ABTB3: variants seen among roughly 807,000 people sequenced by gnomAD.
ABTB3 encodes the protein ankyrin repeat and BTB domain containing 3.
At chr12:107,469,906 CTTTCTTTCTTTCTT>C in the ABTB3 span, among the ~76,000 whole-genome samples, 1 of 106,314 alleles carries the variant, frequency 9.4e-6, no homozygotes, top group South Asian at 2.9e-4. Context: ...TTCTTTCTTT[CTTTCTTTCTTTCTT>C]TCTCTCTCTC....
the ABTB3 span, chr12:107,618,132 A>G: frequency 3.7e-6 from 6 of 1,605,992 alleles, no homozygotes; most frequent in African/African-American, 5.4e-5. Context: ...TCTGAGTGTC[A>G]TCCTCTCTGG....
chr12:107,352,951 G>T, the ABTB3 span, among the ~76,000 whole-genome samples: 2 of 152,202 alleles, frequency 1.3e-5, no homozygotes, highest in African/African-American at 4.8e-5. Context: ...AGTGGAGGAA[G>T]AACACTGTGG....
the ABTB3 span, among the ~76,000 whole-genome samples, chr12:107,547,188 T>C: frequency 7.6e-5 from 11 of 144,198 alleles, no homozygotes; most frequent in African/African-American, 2.9e-4. Context: ...AGTAAGACCC[T>C]GTCTTGAAGA....
chr12:107,552,979 A>C, the ABTB3 span, among the ~76,000 whole-genome samples: 3 of 152,232 alleles, frequency 2.0e-5, no homozygotes, highest in Non-Finnish European at 4.4e-5. Flanking sequence ...CCAGAGAGCC[A>C]TGTTGCCGAA....
At chr12:107,582,082 G>A in the ABTB3 span, among the ~76,000 whole-genome samples, 1 of 152,086 alleles carries the variant, frequency 6.6e-6, no homozygotes, top group Non-Finnish European at 1.5e-5. Context: ...CCAGGCCAAG[G>A]GCAGAGATTT....
the ABTB3 span, among the ~76,000 whole-genome samples, chr12:107,430,659 G>A: frequency 6.6e-6 from 1 of 152,104 alleles, no homozygotes; most frequent in Non-Finnish European, 1.5e-5. Context: ...AAATAATGGC[G>A]ATACGTCCCT....
chr12:107,355,239 A>G, the ABTB3 span, among the ~76,000 whole-genome samples: 10 of 152,198 alleles, frequency 6.6e-5, no homozygotes, highest in Non-Finnish European at 1.3e-4. Context: ...CTCACCGTCT[A>G]TGAGCTGGAG....
At chr12:107,371,271 A>C in the ABTB3 span, among the ~76,000 whole-genome samples, 1 of 152,158 alleles carries the variant, frequency 6.6e-6, no homozygotes, top group Admixed American at 6.5e-5. Context: ...ATTGGAGAGA[A>C]AGGAGATTTA....
the ABTB3 span, among the ~76,000 whole-genome samples, chr12:107,554,572 T>C: frequency 6.6e-6 from 1 of 152,264 alleles, no homozygotes; most frequent in Non-Finnish European, 1.5e-5. Flanking sequence ...AGCCTTTTTA[T>C]AGATAATAGC....
the ABTB3 span, among the ~76,000 whole-genome samples, chr12:107,654,812 G>GTA: frequency 3.4e-5 from 3 of 89,160 alleles, no homozygotes; most frequent in African/African-American, 1.4e-4. Flanking sequence ...AGTCTACATT[G>GTA]TATACACACA....
chr12:107,458,190 A>G, the ABTB3 span, among the ~76,000 whole-genome samples: 1 of 152,152 alleles, frequency 6.6e-6, no homozygotes, highest in South Asian at 2.1e-4. Context: ...AATAGTGTGT[A>G]CTGAGTGCCT....
chr12:107,468,512 T>G, the ABTB3 span, among the ~76,000 whole-genome samples: 1 of 152,086 alleles, frequency 6.6e-6, no homozygotes, highest in African/African-American at 2.4e-5. Context: ...GAGGGTGACC[T>G]TGAAAACAAA....
At chr12:107,527,753 A>G in the ABTB3 span, among the ~76,000 whole-genome samples, 1 of 152,116 alleles carries the variant, frequency 6.6e-6, no homozygotes, top group Non-Finnish European at 1.5e-5. Flanking sequence ...CTCCTTCTCC[A>G]TAAAAATCTC....
the ABTB3 span, among the ~76,000 whole-genome samples, chr12:107,654,781 A>G: frequency 5.3e-5 from 8 of 150,402 alleles, no homozygotes; most frequent in East Asian, 1.4e-3. Flanking sequence ...CTTGGCTATC[A>G]GTAAATCAAA....
the ABTB3 span, among the ~76,000 whole-genome samples, chr12:107,530,730 T>C: frequency 6.6e-6 from 1 of 152,238 alleles, no homozygotes; most frequent in Non-Finnish European, 1.5e-5. Flanking sequence ...CTAGAGTTTA[T>C]TTAATCATGT....
the ABTB3 span, chr12:107,618,053 C>A: frequency 9.6e-7 from 1 of 1,040,388 alleles, no homozygotes; most frequent in Admixed American, 2.3e-5. Context: ...TGTCATCACC[C>A]CTCCCAAGCT....
the ABTB3 span, among the ~76,000 whole-genome samples, chr12:107,478,234 T>C: frequency 6.6e-6 from 1 of 152,238 alleles, no homozygotes; most frequent in African/African-American, 2.4e-5. Flanking sequence ...ATGCAGTTAT[T>C]TTAAAACTGG....
At chr12:107,520,206 C>T in the ABTB3 span, 9 of 985,196 alleles carry the variant, frequency 9.1e-6, no homozygotes, top group South Asian at 4.7e-5. Flanking sequence ...CTTCCAGGCC[C>T]GAGGAGAGGA....
the ABTB3 span, among the ~76,000 whole-genome samples, chr12:107,384,802 C>A: frequency 3.9e-5 from 6 of 152,208 alleles, no homozygotes; most frequent in African/African-American, 1.4e-4. Flanking sequence ...AGCAGGAGGC[C>A]CTTGAACCTG....
Sources: allele counts gnomAD v4.1 joint callset (sites outside exome capture counted in the v4.1 genomes callset), GRCh38; gene constraint gnomAD v4.1.1; transcripts MANE v1.5; gene names NCBI Gene and HGNC (gene_info 2026-07-23, HGNC 2026-07-21).